EBF3: variants seen among roughly 807,000 people sequenced by gnomAD.
EBF3 encodes the protein EBF transcription factor 3.
Under a neutral mutation model 77.1 loss-of-function variants are expected in EBF3, and 18 were observed. That is an observed-to-expected ratio of 0.23 (90% CI 0.16 to 0.35). The LOEUF (loss-of-function observed/expected upper bound fraction) is 0.35, where lower values mean the gene tolerates loss of function less well. Ranked by LOEUF, EBF3 falls within the 10% of genes least tolerant of loss-of-function variation. EBF3 has a pLI of 1.00. For missense variants in EBF3, 558 were observed against 860.0 expected (o/e 0.65, Z 4.39); for synonymous variants, 350 against 343.5 (o/e 1.02, Z -0.21).
rs1300676902 is a variant in EBF3 at position 129,836,831 on chromosome 10, T to C, written c.*1112A>G. 2 of 152,476 alleles carry C rather than the reference T, an allele frequency of 1.3e-5. No homozygotes were observed. Among genetic ancestry groups the C allele is most frequent in the Non-Finnish European group, 2.9e-5 (2 of 67,922 alleles). 9.4% of individuals were successfully genotyped at this position (152,476 alleles called of 1,614,324 possible). ...AAATTTCAAAGATAAATACAATATT[T>C]ATAATTGATATGTTACAAAATAAAG... On this transcript the variant is annotated 3_prime_UTR_variant, in exon 17 of 17. Transcript: ENST00000440978.
intron 6 of EBF3, among the ~76,000 whole-genome samples, chr10:129,884,915 C>G (rs943304720): frequency 6.6e-6 from 1 of 152,138 alleles, no homozygotes; most frequent in African/African-American, 2.4e-5. Context: ...GTAACCACAC[C>G]GCATTAACAA....
intron 10 of EBF3, among the ~76,000 whole-genome samples, chr10:129,857,367 C>T (rs918270591): frequency 6.6e-6 from 1 of 152,116 alleles, no homozygotes; most frequent in Non-Finnish European, 1.5e-5. Context: ...CTTCTTGCCA[C>T]GGCAGCCCCC....
At chr10:129,852,574 G>C (rs1294102003) in intron 10 of EBF3, among the ~76,000 whole-genome samples, 2 of 152,164 alleles carry the variant, frequency 1.3e-5, no homozygotes, top group African/African-American at 4.8e-5. Context: ...CCCGCCCTGA[G>C]TTCATGTTGA....
In EBF3 at chr10:129,854,522, T is replaced by C. The variant is rs189251226; in HGVS notation, c.1040-6042A>G. Among the ~76,000 whole-genome samples, 34 of 152,288 alleles carry C rather than the reference T, an allele frequency of 2.2e-4. 1 individual carries two copies. The highest frequency in any genetic ancestry group is 1.2e-3 in the Admixed American group (19 of 15,310). ...CAAAAATAGAAAAAAAAAATCTGCC[T>C]TCCTGATACGACGTGTAATACCCCG... On this transcript the variant is annotated intron_variant, in intron 10 of 16. Coordinates refer to ENST00000440978, the MANE Select transcript of EBF3 (RefSeq NM_001375380.1).
rs1028151547 is a variant in EBF3 at position 129,841,046 on chromosome 10, C to T, written c.1373-14G>A. The T allele has an allele frequency of 1.2e-6, 2 of 1,602,486 alleles. No homozygotes were observed. Among genetic ancestry groups the T allele is most frequent in the South Asian group, 1.1e-5 (1 of 89,676 alleles). ...GACTGTAGCCGACTGTTGAAATCCC[C>T]CCCCCGGCCAAAAATAACATTATTA... On this transcript the variant is annotated splice_polypyrimidine_tract_variant and intron_variant, in intron 13 of 16. Transcript: ENST00000440978. This position sits in a 1 kb window ranked among gnomAD's most constrained non-coding sequence, Gnocchi z 4.6.
In EBF3 at chr10:129,863,881, G is replaced by A. The variant is rs1158461198; in HGVS notation, c.1039+3260C>T. Among the ~76,000 whole-genome samples the A allele has an allele frequency of 6.6e-6, 1 of 152,102 alleles. No individual in the cohort carries two copies. Among genetic ancestry groups the A allele is most frequent in the African/African-American group, 2.4e-5 (1 of 41,418 alleles). The stretch of plus-strand genomic sequence containing the variant: ...TATTCCTGTTAATGACTGGGGTGTG[G>A]GGGAGCCAATAGGTTAACCTCCAGC... On this transcript the variant is annotated intron_variant, in intron 10 of 16. Transcript: ENST00000440978. This position sits in a 1 kb window ranked among gnomAD's most constrained non-coding sequence, Gnocchi z 4.0.
chr10:129,950,442 A>G (rs1287789148), intron 6 of EBF3, among the ~76,000 whole-genome samples: 2 of 152,212 alleles, frequency 1.3e-5, no homozygotes, highest in African/African-American at 4.8e-5. Context: ...AACAACTAAA[A>G]TAAGAGTTTC....
intron 6 of EBF3, among the ~76,000 whole-genome samples, chr10:129,956,401 C>T (rs760540004): frequency 3.0e-4 from 46 of 152,298 alleles, no homozygotes; most frequent in Non-Finnish European, 5.7e-4. Context: ...GTCAATCACA[C>T]GCTGGGCCTT....
At chr10:129,942,005 C>G (rs1306434705) in intron 6 of EBF3, among the ~76,000 whole-genome samples, 3 of 152,154 alleles carry the variant, frequency 2.0e-5, no homozygotes, top group Non-Finnish European at 2.9e-5. Context: ...CCCCCCCACC[C>G]CATTTAAAAG....
At position 129,841,045 on chromosome 10, in the gene EBF3, C is replaced by T; in HGVS notation, c.1373-13G>A. 1.9e-6 allele frequency: 3 copies of T among 1,600,472 alleles called. No homozygotes were observed. The highest frequency in any genetic ancestry group is 2.6e-6 in the Non-Finnish European group (3 of 1,172,712). Reference sequence around the variant, plus strand: ...CGACTGTAGCCGACTGTTGAAATCCCCCCCCCGGCCAAAAATAACATTATT... The same window carrying T: ...CGACTGTAGCCGACTGTTGAAATCCTCCCCCCGGCCAAAAATAACATTATT... On this transcript the variant is annotated splice_polypyrimidine_tract_variant and intron_variant, in intron 13 of 16. Coordinates refer to ENST00000440978, the MANE Select transcript of EBF3 (RefSeq NM_001375380.1). This position sits in a 1 kb window ranked among gnomAD's most constrained non-coding sequence, Gnocchi z 4.6.
At chr10:129,923,956 CA>C (rs1370223109) in intron 6 of EBF3, among the ~76,000 whole-genome samples, 1 of 152,124 alleles carries the variant, frequency 6.6e-6, no homozygotes, top group Non-Finnish European at 1.5e-5. Flanking sequence ...CGAAATGATT[CA>C]AAAATGGACA....
Position 129,841,119 on chromosome 10 carries a change from A to G in EBF3, c.1373-87T>C. On this transcript the variant is annotated intron_variant, in intron 13 of 16. Coordinates refer to ENST00000440978, the MANE Select transcript of EBF3 (RefSeq NM_001375380.1). This position sits in a 1 kb window ranked among gnomAD's most constrained non-coding sequence, Gnocchi z 4.6. The stretch of plus-strand genomic sequence containing the variant: ...GGTTCCCCGAGAATCTATATCATAT[A>G]TTAACATTGCTAATTGACCCTGTGC... 3.3e-6 allele frequency: 5 copies of G among 1,519,578 alleles called. No homozygotes were observed. Among genetic ancestry groups the G allele is most frequent in the Non-Finnish European group, 4.4e-6 (5 of 1,127,436 alleles). The allele number at this position is 1,519,578 out of a possible 1,614,324, so 94.1% of individuals were successfully genotyped here. A position where few individuals can be genotyped will look rare whatever the true frequency, so the allele number is the denominator to read the frequency against.
rs961018034 is a variant in EBF3, at chr10:129,857,339, G to T, written c.1040-8859C>A. Among the ~76,000 whole-genome samples the T allele has an allele frequency of 4.6e-5, 7 of 152,082 alleles. No homozygotes were observed. The East Asian group carries it at 1.2e-3, about 25-fold the overall frequency. ...GGTGTACTGGGACCAGAAGGCCATC[G>T]TGTCCTCATCTGACCTCCTTCTTGC... On this transcript the variant is annotated intron_variant, in intron 10 of 16. Coordinates refer to ENST00000440978, the MANE Select transcript of EBF3 (RefSeq NM_001375380.1).
intron 6 of EBF3, among the ~76,000 whole-genome samples, chr10:129,937,045 G>A (rs993380908): frequency 1.3e-5 from 2 of 152,162 alleles, no homozygotes; most frequent in Non-Finnish European, 2.9e-5. Context: ...AGTGCCAGGC[G>A]CCAGCCAGCT....
Position 129,943,818 on chromosome 10 carries a change from T to G in EBF3, c.554+13440A>C, listed in dbSNP as rs948137225. 5.9e-5 allele frequency among the ~76,000 whole-genome samples: 9 copies of G among 152,184 alleles called. No individual in the cohort carries two copies. The highest frequency in any genetic ancestry group is 2.2e-4 in the African/African-American group (9 of 41,440). On this transcript the variant is annotated intron_variant, in intron 6 of 16. Transcript: ENST00000440978. This position sits in a 1 kb window ranked among gnomAD's most constrained non-coding sequence, Gnocchi z 8.8. ...TTTTGGGCTTGATCCTTTTGAGCAGTTTTTTTCTGTGCTGAGCTCTCTGGA... is the reference window on the plus strand; with the variant it reads ...TTTTGGGCTTGATCCTTTTGAGCAGGTTTTTTCTGTGCTGAGCTCTCTGGA...
intron 6 of EBF3, among the ~76,000 whole-genome samples, chr10:129,953,193 C>T (rs775081156): frequency 9.3e-5 from 14 of 149,794 alleles, no homozygotes; most frequent in East Asian, 3.9e-4. Flanking sequence ...GTAGGGGGGG[C>T]GCAGAGCTGA....
At chr10:129,962,265 G>A in intron 3 of EBF3, 39 bp from the exon 4 acceptor site, 1 of 1,606,006 alleles carries the variant, frequency 6.2e-7, no homozygotes, top group Non-Finnish European at 8.5e-7. Context: ...CAGGATTTGA[G>A]TGCTGCACCT....
chr10:129,955,259 C>T (rs187108442), intron 6 of EBF3, among the ~76,000 whole-genome samples: 2 of 152,262 alleles, frequency 1.3e-5, no homozygotes, highest in East Asian at 3.9e-4. Flanking sequence ...CTAAAATAGA[C>T]GGTGATTAAA....
intron 11 of EBF3, among the ~76,000 whole-genome samples, chr10:129,846,793 C>T (rs1267315996): frequency 3.3e-5 from 5 of 152,070 alleles, no homozygotes; most frequent in African/African-American, 4.8e-5. Flanking sequence ...CTGAACAATA[C>T]GTTTTCACCT....
Sources: allele counts gnomAD v4.1 joint callset (sites outside exome capture counted in the v4.1 genomes callset), GRCh38; gene constraint gnomAD v4.1.1; non-coding constraint Gnocchi (gnomAD v3.1); transcripts MANE v1.5; gene names NCBI Gene and HGNC (gene_info 2026-07-23, HGNC 2026-07-21).